The following NEIL3 variants were observed in gnomAD, a reference collection of about 807,000 sequenced individuals.
NEIL3 encodes the protein nei like DNA glycosylase 3.
A neutral mutation model predicts 57.5 loss-of-function variants in NEIL3; 48 were observed. The observed-to-expected ratio is 0.83, with a 90% CI of 0.66 to 1.06. NEIL3 has a LOEUF of 1.06. Among genes scored for constraint, NEIL3 ranks in the 50% least tolerant of loss-of-function variants. The pLI, the probability that NEIL3 is intolerant of heterozygous loss-of-function variation, is 0.00. For missense variants in NEIL3, 717 were observed against 739.1 expected (o/e 0.97, Z 0.35); for synonymous variants, 261 against 253.2 (o/e 1.03, Z -0.29).
chr4:177,358,998 T>C (rs1339395547), intron 8 of NEIL3, among the ~76,000 whole-genome samples: 3 of 152,234 alleles, frequency 2.0e-5, no homozygotes, highest in African/African-American at 7.2e-5. Flanking sequence ...TTGTGAAATC[T>C]CTTGACTTCT....
At position 177,353,434 on chromosome 4, in the gene NEIL3, C is replaced by T; in HGVS notation, c.1166C>T (p.Thr389Ile). 1 of 1,613,912 alleles carries T rather than the reference C, an allele frequency of 6.2e-7. No homozygotes were observed. The highest frequency in any genetic ancestry group is 8.5e-7 in the Non-Finnish European group (1 of 1,179,970). The change falls in exon 8 of 10, where the codon ACT becomes ATT. Residue 389 changes from threonine (T) to isoleucine (I), a missense_variant. Thr to Ile is a moderately conservative substitution (Grantham distance 89). Transcript: ENST00000264596. Reference sequence around the variant, plus strand: ...AGAAAAACTGCATTTGGAACTACAACTCTTGTCTTGACTGATTTTAGCAAT... The same window carrying T: ...AGAAAAACTGCATTTGGAACTACAATTCTTGTCTTGACTGATTTTAGCAAT... Reference protein sequence around the residue: ...INRKTAFGTTTLVLTDFSNKS... With the variant: ...INRKTAFGTTILVLTDFSNKS...
In NEIL3 at chr4:177,335,831, A is replaced by C; in HGVS notation, c.413+9A>C. 1 of 1,526,592 alleles carries C rather than the reference A, an allele frequency of 6.6e-7. No individual in the cohort carries two copies. Among genetic ancestry groups the C allele is most frequent in the Non-Finnish European group, 8.8e-7 (1 of 1,142,488 alleles). The allele number at this position is 1,526,592 out of a possible 1,614,324, so 94.6% of individuals were successfully genotyped here. ...TCATCAGTAGAACTCAGGTAAAAAA[A>C]ATTAAATAAAAGTACTTACGCTGCA... On this transcript the variant is annotated intron_variant, in intron 3 of 9. Transcript: ENST00000264596.
chr4:177,324,950 C>CAGATAGATAGAT (rs56773423), intron 2 of NEIL3, among the ~76,000 whole-genome samples: 6,697 of 149,414 alleles, frequency 0.045, 156 homozygotes, highest in East Asian at 0.059. Flanking sequence ...ATTTAAAAAA[C>CAGATAGATAGAT]AGATAGATAG....
chr4:177,356,257 A>G (rs1056264790), intron 8 of NEIL3, among the ~76,000 whole-genome samples: 4 of 152,352 alleles, frequency 2.6e-5, no homozygotes, highest in African/African-American at 9.6e-5. Context: ...TTAAAAAAAC[A>G]TTAATGTAAC....
At chr4:177,313,977 A>C (rs1185254639) in intron 1 of NEIL3, among the ~76,000 whole-genome samples, 1 of 152,204 alleles carries the variant, frequency 6.6e-6, no homozygotes, top group East Asian at 1.9e-4. Flanking sequence ...ACCAGGTAGT[A>C]AATTTTCCTT....
chr4:177,367,522 A>T (rs1277210440), downstream of NEIL3, among the ~76,000 whole-genome samples: 1 of 152,110 alleles, frequency 6.6e-6, no homozygotes, highest in Admixed American at 6.5e-5. Context: ...GTGTTTCCTT[A>T]TACCACTAGG....
In NEIL3 at chr4:177,339,876, A is replaced by G. The variant is rs1161104611; in HGVS notation, c.702+19A>G. 1.3e-6 allele frequency: 2 copies of G among 1,553,092 alleles called. No homozygotes were observed. The highest frequency in any genetic ancestry group is 3.4e-5 in the Admixed American group (2 of 59,514). On this transcript the variant is annotated intron_variant, in intron 5 of 9. Transcript: ENST00000264596. ...TTACAGGGTAAGAGCAAAATTTTTCAACTGTGTAAAATGTAAAATGTCAGT... is the reference window on the plus strand; with the variant it reads ...TTACAGGGTAAGAGCAAAATTTTTCGACTGTGTAAAATGTAAAATGTCAGT...
At chr4:177,332,802 G>A (rs2110902918) in intron 2 of NEIL3, among the ~76,000 whole-genome samples, 1 of 152,272 alleles carries the variant, frequency 6.6e-6, no homozygotes, top group Admixed American at 6.5e-5. Flanking sequence ...TTCCTCTTGT[G>A]CTCTGCCACA....
At chr4:177,324,088 A>G (rs1017210370) in intron 2 of NEIL3, among the ~76,000 whole-genome samples, 1 of 152,176 alleles carries the variant, frequency 6.6e-6, no homozygotes, top group Non-Finnish European at 1.5e-5. Context: ...TCTTTTCACA[A>G]TGTAACAGAA....
At chr4:177,364,771 T>TA (rs1476148493), downstream of NEIL3, among the ~76,000 whole-genome samples, 2 of 151,726 alleles carry the variant, frequency 1.3e-5, no homozygotes, top group African/African-American at 4.8e-5. Context: ...CTACTAAAAA[T>TA]ACAAAAATTA....
Position 177,321,201 on chromosome 4 carries a change from T to G in NEIL3, c.157-1258T>G, listed in dbSNP as rs75289785. ...TCTGTATCTAAAGCTGTTTTATAAT[T>G]ATATCTTGACATTTCCCCACTCCCA... On this transcript the variant is annotated intron_variant, in intron 1 of 9. Transcript: ENST00000264596. 1.2e-4 allele frequency among the ~76,000 whole-genome samples: 19 copies of G among 152,280 alleles called. No homozygotes were observed. The East Asian group carries it at 3.5e-3, about 28-fold the overall frequency.
the NEIL3 span, among the ~76,000 whole-genome samples, chr4:177,370,024 C>G: frequency 2.0e-5 from 3 of 152,096 alleles, no homozygotes; most frequent in African/African-American, 7.2e-5. Context: ...CACCCTACAG[C>G]AAGGGGATTA....
intron 2 of NEIL3, among the ~76,000 whole-genome samples, chr4:177,323,440 G>T (rs1359316275): frequency 6.6e-6 from 1 of 152,152 alleles, no homozygotes; most frequent in Non-Finnish European, 1.5e-5. Flanking sequence ...GATACTATAT[G>T]ATTGTTCTTT....
intron 1 of NEIL3, among the ~76,000 whole-genome samples, chr4:177,311,577 G>C (rs1029753150): frequency 6.6e-6 from 1 of 151,784 alleles, no homozygotes; most frequent in Non-Finnish European, 1.5e-5. Flanking sequence ...AGGAGGCTGA[G>C]GCAGGAGAAT....
chr4:177,331,195 C>G (rs1734878855), intron 2 of NEIL3, among the ~76,000 whole-genome samples: 1 of 151,660 alleles, frequency 6.6e-6, no homozygotes, highest in African/African-American at 2.4e-5. Context: ...AAAGAAAACC[C>G]CAGGCATATT....
intron 1 of NEIL3, among the ~76,000 whole-genome samples, chr4:177,317,068 C>A (rs910335915): frequency 6.6e-6 from 1 of 152,168 alleles, no homozygotes; most frequent in Non-Finnish European, 1.5e-5. Flanking sequence ...GCACTGAAGT[C>A]ATTTGATATT....
chr4:177,354,047 T>G, intron 8 of NEIL3: 1 of 243,814 alleles, frequency 4.1e-6, no homozygotes, highest in Non-Finnish European at 7.9e-6. Flanking sequence ...ATTTACAGGC[T>G]TGAGCCACCA....
downstream of NEIL3, among the ~76,000 whole-genome samples, chr4:177,367,343 G>T: frequency 6.6e-6 from 1 of 152,142 alleles, no homozygotes; most frequent in Non-Finnish European, 1.5e-5. Context: ...TGTAGGCTTT[G>T]GTTTCAATGA....
chr4:177,357,201 C>T (rs886330790), intron 8 of NEIL3, among the ~76,000 whole-genome samples: 2 of 152,088 alleles, frequency 1.3e-5, no homozygotes, highest in Non-Finnish European at 2.9e-5. Flanking sequence ...TCAGTGAGAC[C>T]GATTAATCCA....
Sources: allele counts gnomAD v4.1 joint callset (sites outside exome capture counted in the v4.1 genomes callset), GRCh38; gene constraint gnomAD v4.1.1; transcripts MANE v1.5; gene names NCBI Gene and HGNC (gene_info 2026-07-23, HGNC 2026-07-21).